Variants in NIBAN1 observed in about 807,000 individuals in gnomAD.
NIBAN1 encodes the protein protein Niban 1.
NIBAN1 carries 81 observed loss-of-function variants against 75.1 expected under a neutral mutation model. The observed-to-expected ratio is 1.08, with a 90% CI of 0.90 to 1.30. NIBAN1 has a LOEUF of 1.30. Ranked by LOEUF, NIBAN1 falls within the 50% of genes most tolerant of loss-of-function variation. The probability of loss-of-function intolerance (pLI) is 0.00; values close to 1 mark genes in which losing one functional copy is unlikely to be tolerated. For synonymous variants in NIBAN1, 436 were observed against 424.8 expected, an observed-to-expected ratio of 1.03 and a Z score of -0.32; for missense variants, 1,133 against 1,128.1, an observed-to-expected ratio of 1.00 and a Z score of -0.06.
At chr1:184,943,370 AT>A (rs11364886) in intron 1 of NIBAN1, among the ~76,000 whole-genome samples, 49,635 of 152,016 alleles carry the variant, frequency 0.33, 8,296 homozygotes, top group Middle Eastern at 0.39. Flanking sequence ...AATTTTTCAA[AT>A]GATGACTCTT....
At chr1:184,823,413 C>T (rs1654757666) in intron 7 of NIBAN1, 84 bp from the exon 8 acceptor site, 2 of 1,519,060 alleles carry the variant, frequency 1.3e-6, no homozygotes, top group Admixed American at 3.8e-5. Context: ...GCCTTCATCA[C>T]AGGCCATCAT....
intron 5 of NIBAN1, among the ~76,000 whole-genome samples, chr1:184,869,066 T>C (rs1656031494): frequency 6.6e-6 from 1 of 152,052 alleles, no homozygotes; most frequent in Non-Finnish European, 1.5e-5. Context: ...TGCAAATTCT[T>C]AGGACCCACC....
rs1480686819 is a variant in NIBAN1 at position 184,823,196 on chromosome 1, G to A, written c.956C>T (p.Ser319Leu). The change falls in exon 8 of 14, where the codon TCA (serine) becomes TTA (leucine). Residue 319 changes from serine to leucine, a missense_variant. Physicochemically the swap from Ser to Leu is moderately radical, Grantham distance 145. Transcript: ENST00000367511. The stretch of plus-strand genomic sequence containing the variant: ...GATCTTTCCAATTAAATAGTTCTTT[G>A]AGTTCACAATCTGATCCATGTCAGA... The part of the protein sequence containing the change: ...IRSDMDQIVN[S>L]KNYLIGKIKA... The A allele has an allele frequency of 3.1e-6, 5 of 1,614,006 alleles. No individual in the cohort carries two copies. The highest frequency in any genetic ancestry group is 4.2e-6 in the Non-Finnish European group (5 of 1,180,016).
intron 1 of NIBAN1, among the ~76,000 whole-genome samples, chr1:184,927,220 G>A (rs1386043608): frequency 2.0e-5 from 3 of 152,122 alleles, no homozygotes; most frequent in Non-Finnish European, 4.4e-5. Context: ...GCTTGTGGAT[G>A]TTCATCAGTG....
intron 5 of NIBAN1, among the ~76,000 whole-genome samples, chr1:184,863,722 C>T (rs1655877069): frequency 6.6e-6 from 1 of 152,128 alleles, no homozygotes; most frequent in South Asian, 2.1e-4. Flanking sequence ...GTTGCCAGAC[C>T]TCTTACTATT....
chr1:184,959,036 T>C (rs1658561734), intron 1 of NIBAN1, among the ~76,000 whole-genome samples: 1 of 152,258 alleles, frequency 6.6e-6, no homozygotes, highest in Non-Finnish European at 1.5e-5. Context: ...GAATTCTTTT[T>C]AGCTAATCAT....
chr1:184,917,346 C>T (rs1001423818), intron 1 of NIBAN1, among the ~76,000 whole-genome samples: 17 of 149,430 alleles, frequency 1.1e-4, no homozygotes, highest in Middle Eastern at 3.5e-3. Context: ...GGACTACAGA[C>T]ACCCGCCACC....
rs1654109767 is a variant in NIBAN1 at position 184,803,670 on chromosome 1, GTGC to G, written c.1466_1468del (p.Ser489del). ...CTCTTGAAATATCTTCTTTCGGATG[GTGC>G]TGCTGTCATAATCATATTGCTGTCA... On this transcript the variant is annotated inframe_deletion, in exon 12 of 14. Transcript: ENST00000367511. The G allele has an allele frequency of 6.2e-7, 1 of 1,614,004 alleles. No homozygotes were observed. The highest frequency in any genetic ancestry group is 1.3e-5 in the African/African-American group (1 of 74,922).
intron 9 of NIBAN1, among the ~76,000 whole-genome samples, chr1:184,811,154 C>T (rs1019275015): frequency 3.3e-5 from 5 of 152,216 alleles, no homozygotes; most frequent in East Asian, 1.9e-4. Flanking sequence ...TCAGAGGCCT[C>T]GTATATCTGA....
rs115478444 is a variant in NIBAN1, at chr1:184,953,853, C to G, written c.55+20449G>C. On this transcript the variant is annotated intron_variant, in intron 1 of 13. Transcript: ENST00000367511. ...TATCTTATGGCTTCTCAGAACTTAA[C>G]ATTCCAGAAATCACTGAAAAAGGTG... 4.6e-3 allele frequency among the ~76,000 whole-genome samples: 694 copies of G among 152,306 alleles called. 5 individuals are homozygous for G. The highest frequency in any genetic ancestry group is 0.016 in the African/African-American group (667 of 41,550).
At chr1:184,927,018 A>T (rs959396551) in intron 1 of NIBAN1, among the ~76,000 whole-genome samples, 3 of 152,084 alleles carry the variant, frequency 2.0e-5, no homozygotes, top group Non-Finnish European at 4.4e-5. Context: ...TACTTATTTA[A>T]ATATCTTTGT....
At chr1:184,801,729 G>C (rs761155154) in intron 12 of NIBAN1, among the ~76,000 whole-genome samples, 13 of 152,114 alleles carry the variant, frequency 8.5e-5, no homozygotes, top group Non-Finnish European at 1.8e-4. Context: ...AGGGATGCTG[G>C]GCTGGCACAA....
At chr1:184,933,137 A>C (rs1214763933) in intron 1 of NIBAN1, among the ~76,000 whole-genome samples, 2 of 151,912 alleles carry the variant, frequency 1.3e-5, no homozygotes, top group Admixed American at 1.3e-4. Flanking sequence ...ACTTCCCTAC[A>C]CTCCCACCAA....
chr1:184,844,125 T>C (rs1378674552), intron 5 of NIBAN1, among the ~76,000 whole-genome samples: 4 of 152,252 alleles, frequency 2.6e-5, no homozygotes, highest in Admixed American at 6.5e-5. Context: ...CTTGGTATAA[T>C]TTATCACTGT....
Position 184,974,360 on chromosome 1 carries a change from C to A in NIBAN1, c.-4G>T, listed in dbSNP as rs768035957. 1.3e-6 allele frequency: 2 copies of A among 1,556,058 alleles called. No individual in the cohort carries two copies. Among genetic ancestry groups the A allele is most frequent in the Non-Finnish European group, 1.7e-6 (2 of 1,157,688 alleles). ...GGCTGGAGGCTGAGCCGCCCATGAC[C>A]GCGAGCTGCCTGTGCTGAGCGCGGA... is the stretch of plus-strand genomic sequence containing the variant. On this transcript the variant is annotated 5_prime_UTR_variant, in exon 1 of 14. Transcript: ENST00000367511.
In NIBAN1 at chr1:184,899,305, T is replaced by A; in HGVS notation, c.60A>T (p.Lys20Asn). 1 of 1,613,616 alleles carries A rather than the reference T, an allele frequency of 6.2e-7. No individual in the cohort carries two copies. Residue 20 changes from lysine (K) to asparagine (N), a missense_variant, in exon 2 of 14, where the codon AAA becomes AAT. Lys to Asn is a moderately conservative substitution (Grantham distance 94). Coordinates refer to ENST00000367511, the MANE Select transcript of NIBAN1 (RefSeq NM_052966.4). ...TGAAGTTTTTGATGGCAGCCTCAGT[T>A]TTCCCTAGAAAAATATGAAAATTAG... ...DEGKCAYIRG[K>N]TEAAIKNFSP...
At chr1:184,865,332 C>T (rs887561446) in intron 5 of NIBAN1, among the ~76,000 whole-genome samples, 3 of 152,014 alleles carry the variant, frequency 2.0e-5, no homozygotes, top group South Asian at 2.1e-4. Context: ...AAGCTGAAGG[C>T]CATTATAAGC....
At chr1:184,885,051 A>AT in intron 4 of NIBAN1, among the ~76,000 whole-genome samples, 2 of 151,906 alleles carry the variant, frequency 1.3e-5, no homozygotes, top group South Asian at 2.1e-4. Flanking sequence ...CAGGAACACA[A>AT]TTTTTTCTCT....
At chr1:184,843,355 T>C (rs1203542692) in intron 5 of NIBAN1, among the ~76,000 whole-genome samples, 2 of 152,338 alleles carry the variant, frequency 1.3e-5, no homozygotes, top group African/African-American at 2.4e-5. Flanking sequence ...TTCTTTACCA[T>C]AAGTTTTTTT....
Sources: gnomAD v4.1 joint callset for allele counts (sites outside exome capture counted in the v4.1 genomes callset) on GRCh38, gnomAD v4.1.1 for gene constraint, MANE v1.5 for transcripts, NCBI Gene and HGNC (gene_info 2026-07-23, HGNC 2026-07-21) for gene names.